PTPRD: variants seen among roughly 807,000 people sequenced by gnomAD.
PTPRD encodes the protein receptor-type tyrosine-protein phosphatase delta.
A neutral mutation model predicts 214.5 loss-of-function variants in PTPRD; 34 were observed. The observed-to-expected ratio is 0.16, with a 90% CI of 0.12 to 0.21. The LOEUF is 0.21. PTPRD is among the 10% of genes least tolerant of loss of function. The probability of loss-of-function intolerance (pLI) is 1.00; values close to 1 mark genes in which losing one functional copy is unlikely to be tolerated. For missense variants in PTPRD, 2,545 were observed against 2,398.7 expected (o/e 1.06, Z -1.27); for synonymous variants, 1,128 against 845.7 (o/e 1.33, Z -5.79).
intron 9 of PTPRD, among the ~76,000 whole-genome samples, chr9:9,212,883 G>A (rs1163627698): frequency 1.3e-5 from 2 of 152,082 alleles, no homozygotes; most frequent in Non-Finnish European, 1.5e-5. Context: ...TCCTTCTATA[G>A]TATGTGACTT....
intron 10 of PTPRD, among the ~76,000 whole-genome samples, chr9:9,028,981 C>A (rs2099596053): frequency 6.6e-6 from 1 of 151,772 alleles, no homozygotes. Context: ...ATATGGTAGC[C>A]ACTAGTCACA....
chr9:9,791,369 G>A (rs1269172712), intron 5 of PTPRD, among the ~76,000 whole-genome samples: 1 of 151,916 alleles, frequency 6.6e-6, no homozygotes, highest in Non-Finnish European at 1.5e-5. Flanking sequence ...TTTAAAAGAT[G>A]GTAAATGTAA....
intron 2 of PTPRD, among the ~76,000 whole-genome samples, chr9:10,448,363 T>C (rs2098813886): frequency 6.6e-6 from 1 of 152,024 alleles, no homozygotes; most frequent in South Asian, 2.1e-4. Context: ...TGAGTGTTTC[T>C]GAACAGACTA....
chr9:9,230,640 T>C (rs1374673917), intron 9 of PTPRD, among the ~76,000 whole-genome samples: 1 of 152,084 alleles, frequency 6.6e-6, no homozygotes, highest in Non-Finnish European at 1.5e-5. Flanking sequence ...GATTGAATGC[T>C]AGGACACCCA....
chr9:10,558,788 T>C (rs2063189598), intron 2 of PTPRD, among the ~76,000 whole-genome samples: 3 of 152,156 alleles, frequency 2.0e-5, no homozygotes, highest in Non-Finnish European at 4.4e-5. Flanking sequence ...AATGAGAATT[T>C]TGTAAGCATG....
intron 11 of PTPRD, among the ~76,000 whole-genome samples, chr9:8,735,542 A>G (rs1220268144): frequency 2.0e-5 from 3 of 152,180 alleles, no homozygotes; most frequent in African/African-American, 7.2e-5. Flanking sequence ...TCCAGAGACC[A>G]CACTTTGAGA....
chr9:9,074,781 C>T lies in PTPRD; in HGVS notation c.-142-56046G>A, dbSNP rs12338877. ...GATTATTAATCCCTCATGAGATGTA[C>T]GGTTTGCAAATATTTTCTACCATAT... On this transcript the variant is annotated intron_variant, in intron 10 of 45. Transcript: ENST00000381196. Among the ~76,000 whole-genome samples the T allele has an allele frequency of 4.5e-3, 679 of 150,546 alleles. 8 individuals are homozygous for T. The highest frequency in any genetic ancestry group is 0.016 in the African/African-American group (643 of 41,104).
rs1468188243 is a variant in PTPRD, at chr9:10,184,151, GCAGTGGGTCTTGCCTGTTAACC to G, written c.-544-150383_-544-150362del. The stretch of plus-strand genomic sequence containing the variant: ...ATAAAAAAGAAATTTTAGGCCGGGT[GCAGTGGGTCTTGCCTGTTAACC>G]CAGTATTTTGGGAGGCCGAGGTGGG... On this transcript the variant is annotated intron_variant, in intron 3 of 45. Coordinates refer to ENST00000381196, the MANE Select transcript of PTPRD (RefSeq NM_002839.4). Among the ~76,000 whole-genome samples, 3 of 152,180 alleles carry G rather than the reference GCAGTGGGTCTTGCCTGTTAACC, an allele frequency of 2.0e-5. No homozygotes were observed. In the East Asian group the frequency reaches 5.8e-4, roughly 29 times the overall value.
chr9:8,446,460 A>T (rs1416649266), intron 34 of PTPRD, among the ~76,000 whole-genome samples: 1 of 152,218 alleles, frequency 6.6e-6, no homozygotes, highest in Non-Finnish European at 1.5e-5. Context: ...TTCAAATCGT[A>T]ATGTTTGTTT....
At chr9:10,026,821 T>G (rs931899193) in intron 4 of PTPRD, among the ~76,000 whole-genome samples, 1 of 151,660 alleles carries the variant, frequency 6.6e-6, no homozygotes, top group African/African-American at 2.4e-5. Context: ...AAAAGGAAGT[T>G]GCGGTCTCAC....
At chr9:9,872,384 G>C (rs1231938821) in intron 5 of PTPRD, among the ~76,000 whole-genome samples, 1 of 152,174 alleles carries the variant, frequency 6.6e-6, no homozygotes. Context: ...AGAATTGCTT[G>C]AGCATAGGAG....
chr9:9,799,940 C>A (rs547175217), intron 5 of PTPRD, among the ~76,000 whole-genome samples: 1 of 152,124 alleles, frequency 6.6e-6, no homozygotes, highest in South Asian at 2.1e-4. Flanking sequence ...AGGATTAAAC[C>A]TGCTTCAAAG....
intron 14 of PTPRD, among the ~76,000 whole-genome samples, chr9:8,615,626 AT>A (rs1049252116): frequency 6.6e-6 from 1 of 152,090 alleles, no homozygotes; most frequent in Non-Finnish European, 1.5e-5. Flanking sequence ...TTCTAAGTGA[AT>A]TTCGTACACA....
chr9:9,276,804 T>G (rs746780750), intron 9 of PTPRD, among the ~76,000 whole-genome samples: 2 of 151,364 alleles, frequency 1.3e-5, no homozygotes, highest in Non-Finnish European at 3.0e-5. Flanking sequence ...AGTTCCTAAT[T>G]CTATATTTCA....
intron 4 of PTPRD, among the ~76,000 whole-genome samples, chr9:10,009,396 G>C (rs1482460289): frequency 6.6e-6 from 1 of 151,938 alleles, no homozygotes; most frequent in South Asian, 2.1e-4. Context: ...CACGGGTTCG[G>C]TCCAGAAAGC....
At chr9:9,776,055 T>A (rs1342477461) in intron 5 of PTPRD, among the ~76,000 whole-genome samples, 1 of 151,668 alleles carries the variant, frequency 6.6e-6, no homozygotes, top group Non-Finnish European at 1.5e-5. Context: ...AAGCACTTTC[T>A]AGTAAAAGAT....
chr9:10,113,472 A>G (rs1268865594), intron 3 of PTPRD, among the ~76,000 whole-genome samples: 1 of 152,156 alleles, frequency 6.6e-6, no homozygotes, highest in Non-Finnish European at 1.5e-5. Flanking sequence ...CAACTTCAGA[A>G]GTCAAATAAA....
intron 10 of PTPRD, among the ~76,000 whole-genome samples, chr9:9,134,946 G>T (rs547266472): frequency 5.3e-5 from 8 of 152,112 alleles, no homozygotes; most frequent in Non-Finnish European, 1.0e-4. Context: ...GCAGACAGAG[G>T]TAAGGAACGT....
intron 8 of PTPRD, among the ~76,000 whole-genome samples, chr9:9,564,896 T>G (rs917327347): frequency 3.6e-5 from 5 of 139,412 alleles, no homozygotes; most frequent in African/African-American, 7.8e-5. Context: ...TTTTTTTTTT[T>G]TTTTTTTTTT....
Sources: allele counts gnomAD v4.1 joint callset (sites outside exome capture counted in the v4.1 genomes callset), GRCh38; gene constraint gnomAD v4.1.1; transcripts MANE v1.5; gene names NCBI Gene and HGNC (gene_info 2026-07-23, HGNC 2026-07-21).